Variants in VAMP2 observed in about 807,000 individuals in gnomAD.
VAMP2 encodes vesicle associated membrane protein 2.
For synonymous variants in VAMP2, 67 were observed against 57.3 expected (o/e 1.17, Z -0.76); for missense variants, 95 against 151.3 (o/e 0.63, Z 1.95).
At chr17:8,161,338 G>T in intron 4 of VAMP2, 135 bp downstream of exon 4, 1 of 1,291,408 alleles carries the variant, frequency 7.7e-7, no homozygotes, top group African/African-American at 1.5e-5. Flanking sequence ...GGCTCTAGAT[G>T]AATCAGAATT....
intron 1 of VAMP2, 53 bp from the exon 2 acceptor site, chr17:8,162,422 A>G: frequency 6.3e-7 from 1 of 1,597,764 alleles, no homozygotes; most frequent in Admixed American, 1.7e-5. Context: ...CCGGCCCCGC[A>G]GCCAGGGCTC....
Position 8,161,629 on chromosome 17 carries a change from T to G in VAMP2, c.261A>C (p.Lys87Asn). 6.2e-7 allele frequency: 1 copy of G among 1,614,160 alleles called. No individual in the cohort carries two copies. Among genetic ancestry groups the G allele is most frequent in the Non-Finnish European group, 8.5e-7 (1 of 1,180,010 alleles). ...FETSAAKLKR[K>N]YWWKNLKMMI... ...TTACCTTGAGGTTTTTCCACCAGTA[T>G]TTGCGCTTGAGCTTGGCTGCGCTTG... The change falls in exon 3 of 5, where the codon AAA becomes AAC. Residue 87 changes from lysine to asparagine, a missense_variant. Transcript: ENST00000316509.
rs949973511 is a variant in VAMP2 at position 8,160,139 on chromosome 17, T to G, written c.*716A>C. The G allele has an allele frequency of 2.0e-5, 3 of 151,888 alleles. No homozygotes were observed. The highest frequency in any genetic ancestry group is 7.3e-5 in the African/African-American group (3 of 41,206). 9.4% of individuals were successfully genotyped at this position (151,888 alleles called of 1,614,324 possible). Reference sequence around the variant, plus strand: ...CCACCTGCGAGTAATGTCGTGCAAATGAAAATGTGATACAAGAACTAATGG... The same window carrying G: ...CCACCTGCGAGTAATGTCGTGCAAAGGAAAATGTGATACAAGAACTAATGG... On this transcript the variant is annotated 3_prime_UTR_variant, in exon 5 of 5. Coordinates refer to ENST00000316509, the MANE Select transcript of VAMP2 (RefSeq NM_014232.3).
Position 8,160,358 on chromosome 17 carries a change from G to GGCTT in VAMP2, c.*496_*497insAAGC, listed in dbSNP as rs1284727334. The GGCTT allele has an allele frequency of 7.0e-5, 10 of 143,100 alleles. No individual in the cohort carries two copies. The highest frequency in any genetic ancestry group is 1.8e-4 in the African/African-American group (7 of 38,922). 8.9% of individuals were successfully genotyped at this position (143,100 alleles called of 1,614,324 possible). A position where few individuals can be genotyped will look rare whatever the true frequency, so the allele number is the denominator to read the frequency against. On this transcript the variant is annotated 3_prime_UTR_variant, in exon 5 of 5. Transcript: ENST00000316509. ...ATGGATACAAAGAAGATGTACCTAA[G>GGCTT]GAAGCCTGGACAGGTGCTGTTGTTT...
Position 8,160,763 on chromosome 17 carries a change from A to AAGG in VAMP2, c.*91_*92insCCT. Reference sequence around the variant, plus strand: ...ACACACACACACACGGATCCAGGGGAGTGGGGGCTGAAAGATATGGCTGAG... The same window carrying AAGG: ...ACACACACACACACGGATCCAGGGGAAGGGTGGGGGCTGAAAGATATGGCTGAG... On this transcript the variant is annotated 3_prime_UTR_variant, in exon 5 of 5. Transcript: ENST00000316509. 1 of 1,383,498 alleles carries AAGG rather than the reference A, an allele frequency of 7.2e-7. No individual in the cohort carries two copies. Among genetic ancestry groups the AAGG allele is most frequent in the Non-Finnish European group, 1.0e-6 (1 of 1,000,978 alleles). The allele number at this position is 1,383,498 out of a possible 1,614,324, so 85.7% of individuals were successfully genotyped here. A position where few individuals can be genotyped will look rare whatever the true frequency, so the allele number is the denominator to read the frequency against.
chr17:8,160,970 C>T, intron 4 of VAMP2, 99 bp from the exon 5 acceptor site: 1 of 1,062,928 alleles, frequency 9.4e-7, no homozygotes, highest in Non-Finnish European at 1.4e-6. Context: ...TCCAATCCTC[C>T]CCACTCCCCA....
chr17:8,161,945 C>T (rs1983325454), intron 2 of VAMP2, among the ~76,000 whole-genome samples, 179 bp from the exon 3 acceptor site: 1 of 152,158 alleles, frequency 6.6e-6, no homozygotes, highest in Admixed American at 6.5e-5. Flanking sequence ...GAGCACACAT[C>T]AGGGGCATGC....
rs1259139636 is a variant in VAMP2 at position 8,161,770 on chromosome 17, G to C, written c.124-4C>G. 1.2e-6 allele frequency: 2 copies of C among 1,611,800 alleles called. No individual in the cohort carries two copies. Among genetic ancestry groups the C allele is most frequent in the Non-Finnish European group, 1.7e-6 (2 of 1,178,112 alleles). On this transcript the variant is annotated splice_region_variant and splice_polypyrimidine_tract_variant and intron_variant, in intron 2 of 4. Coordinates refer to ENST00000316509, the MANE Select transcript of VAMP2 (RefSeq NM_014232.3). ...TCACCCTCATGATGTCCACCACCTG[G>C]GAGAAGGGCCCACGAGGCAGGGGGG...
At chr17:8,162,165 C>T in intron 2 of VAMP2, 84 bp downstream of exon 2, 1 of 1,482,828 alleles carries the variant, frequency 6.7e-7, no homozygotes, top group Non-Finnish European at 8.9e-7. Flanking sequence ...GAACTGTCAT[C>T]ACTCCCAAAC....
At chr17:8,160,929 C>T (rs974117783) in intron 4 of VAMP2, 58 bp from the exon 5 acceptor site, 2 of 1,500,076 alleles carry the variant, frequency 1.3e-6, no homozygotes, top group African/African-American at 1.4e-5. Context: ...AGAGAGAGAA[C>T]AAGAAAGCAG....
In VAMP2 at chr17:8,162,345, G is replaced by C. The variant is rs746803674; in HGVS notation, c.27C>G (p.Pro9=). The change falls in exon 2 of 5, where the codon CCC becomes CCG. Residue 9 remains proline, a synonymous_variant. Coordinates refer to ENST00000316509, the MANE Select transcript of VAMP2 (RefSeq NM_014232.3). MSATAATA[P]PAAPAGEGGP... ...CACCCTCCCCAGCCGGGGCAGCAGG[G>C]GGGGCCGTGGCAGCGGTAGCAGACC... The C allele has an allele frequency of 1.9e-6, 3 of 1,607,492 alleles. No homozygotes were observed. The highest frequency in any genetic ancestry group is 4.5e-5 in the East Asian group (2 of 44,022).
At chr17:8,162,627 G>T (rs1376789012) in intron 1 of VAMP2, 2 of 1,398,240 alleles carry the variant, frequency 1.4e-6, no homozygotes, top group African/African-American at 3.0e-5. Flanking sequence ...GACCCGAAAA[G>T]ACAGGCGGCC....
At chr17:8,162,445 T>TGTCCATCCTC in intron 1 of VAMP2, 76 bp from the exon 2 acceptor site, 2 of 1,577,154 alleles carry the variant, frequency 1.3e-6, no homozygotes, top group Non-Finnish European at 1.7e-6. Flanking sequence ...CCCATCCACC[T>TGTCCATCCTC]GTCCATCCTC....
chr17:8,160,637 G>A lies in VAMP2; in HGVS notation c.*218C>T, dbSNP rs1047630590. The A allele has an allele frequency of 2.0e-4, 63 of 314,956 alleles. No individual in the cohort carries two copies. Among genetic ancestry groups the A allele is most frequent in the African/African-American group, 1.1e-3 (50 of 45,896 alleles). 19.5% of individuals were successfully genotyped at this position (314,956 alleles called of 1,614,324 possible). ...TCAGGAAGGGGTGTTAAGGACAACCGGAAAAATCATCTAGTAATAAAACTA... is the reference window on the plus strand; with the variant it reads ...TCAGGAAGGGGTGTTAAGGACAACCAGAAAAATCATCTAGTAATAAAACTA... On this transcript the variant is annotated 3_prime_UTR_variant, in exon 5 of 5. Coordinates refer to ENST00000316509, the MANE Select transcript of VAMP2 (RefSeq NM_014232.3).
intron 4 of VAMP2, 43 bp from the exon 5 acceptor site, chr17:8,160,914 GAGAA>G (rs1567543670): frequency 9.9e-6 from 15 of 1,508,734 alleles, no homozygotes; most frequent in Non-Finnish European, 1.4e-5. Flanking sequence ...GGAGAGGGGA[GAGAA>G]AGAGAGAGAA....
Position 8,162,353 on chromosome 17 carries a change from T to G in VAMP2, c.19A>C (p.Thr7Pro). 6.2e-7 allele frequency: 1 copy of G among 1,608,164 alleles called. No individual in the cohort carries two copies. Among genetic ancestry groups the G allele is most frequent in the Non-Finnish European group, 8.5e-7 (1 of 1,177,928 alleles). Residue 7 changes from threonine (T) to proline (P), a missense_variant, in exon 2 of 5, where the codon ACG becomes CCG. Physicochemically the swap from Thr to Pro is conservative, Grantham distance 38. Coordinates refer to ENST00000316509, the MANE Select transcript of VAMP2 (RefSeq NM_014232.3). ...CCAGCCGGGGCAGCAGGGGGGGCCG[T>G]GGCAGCGGTAGCAGACCTGAGGAGC... MSATAA[T>P]APPAAPAGEG...
chr17:8,162,429 G>A, intron 1 of VAMP2, 60 bp from the exon 2 acceptor site: 1 of 1,590,948 alleles, frequency 6.3e-7, no homozygotes, highest in Non-Finnish European at 8.6e-7. Context: ...CGCAGCCAGG[G>A]CTCCGCCCAT....
rs575280028 is a variant in VAMP2, at chr17:8,162,741, G to A, written c.2+137C>T. On this transcript the variant is annotated intron_variant, in intron 1 of 4. Transcript: ENST00000316509. ...GGGACGCGGGGCTCCTCGGCCGCCC[G>A]CGCGCAGTCACCGGCTTGGGCCTGG... 2.3e-6 allele frequency: 3 copies of A among 1,277,914 alleles called. No homozygotes were observed. The East Asian group carries it at 9.6e-5, about 41-fold the overall frequency. 79.2% of individuals were successfully genotyped at this position (1,277,914 alleles called of 1,614,324 possible).
At position 8,160,851 on chromosome 17, in the gene VAMP2, G is replaced by A. The variant is rs370528051; in HGVS notation, c.*4C>T. 5.6e-6 allele frequency: 9 copies of A among 1,610,470 alleles called. No homozygotes were observed. The African/African-American group carries it at 6.7e-5, about 12-fold the overall frequency. On this transcript the variant is annotated 3_prime_UTR_variant, in exon 5 of 5. Transcript: ENST00000316509. ...TCTCTAGGCAGGGCAGACTCCTCGG[G>A]GATTTAAGTGCTGAAGTAAACTGTG...
Sources: gnomAD v4.1 joint callset for allele counts (sites outside exome capture counted in the v4.1 genomes callset) on GRCh38, gnomAD v4.1.1 for gene constraint, MANE v1.5 for transcripts, NCBI Gene and HGNC (gene_info 2026-07-23, HGNC 2026-07-21) for gene names.